ABCA12: variants seen among roughly 807,000 people sequenced by gnomAD.
ABCA12 encodes glucosylceramide transporter ABCA12.
ABCA12 carries 156 observed loss-of-function variants against 293.5 expected under a neutral mutation model. That is an observed-to-expected ratio of 0.53 (90% CI 0.47 to 0.61). The LOEUF (loss-of-function observed/expected upper bound fraction) is 0.61. ABCA12 is among the 20% of genes least tolerant of loss of function. ABCA12 has a pLI of 0.00. For synonymous variants in ABCA12, 1,063 were observed against 1,108.0 expected, an observed-to-expected ratio of 0.96 and a Z score of 0.81; for missense variants, 2,797 against 3,090.2, an observed-to-expected ratio of 0.91 and a Z score of 2.25.
At chr2:215,099,406 C>T (rs763666263) in intron 2 of ABCA12, among the ~76,000 whole-genome samples, 4 of 152,154 alleles carry the variant, frequency 2.6e-5, no homozygotes, top group Non-Finnish European at 4.4e-5. Context: ...CTTTAATTTC[C>T]GACCCCAGCT....
rs368688715 is a variant in ABCA12 at position 214,954,117 on chromosome 2, G to A, written c.6394-10C>T. On this transcript the variant is annotated splice_polypyrimidine_tract_variant and intron_variant, in intron 43 of 52. Coordinates refer to ENST00000272895, the MANE Select transcript of ABCA12 (RefSeq NM_173076.3). ...AAATAAGTTCTAAAGTCTGAAATAA[G>A]AGAAATAAAAATAAAACTCAGTGTT... 1.6e-5 allele frequency: 26 copies of A among 1,612,532 alleles called. No homozygotes were observed. The highest frequency in any genetic ancestry group is 2.1e-5 in the Non-Finnish European group (25 of 1,179,800).
At chr2:215,071,493 T>C (rs987965099) in intron 2 of ABCA12, among the ~76,000 whole-genome samples, 1 of 152,066 alleles carries the variant, frequency 6.6e-6, no homozygotes, top group African/African-American at 2.4e-5. Flanking sequence ...GAAAACAACA[T>C]GTTCAGCTAA....
intron 49 of ABCA12, among the ~76,000 whole-genome samples, chr2:214,944,007 A>G (rs1407513651): frequency 6.6e-6 from 1 of 152,194 alleles, no homozygotes; most frequent in Non-Finnish European, 1.5e-5. Flanking sequence ...GGATAAAATG[A>G]TTTAGTATCT....
intron 2 of ABCA12, among the ~76,000 whole-genome samples, chr2:215,099,762 A>G (rs1362863992): frequency 6.6e-6 from 1 of 152,128 alleles, no homozygotes; most frequent in African/African-American, 2.4e-5. Context: ...TGTTGCCACT[A>G]AGTTTTGAGG....
intron 19 of ABCA12, 84 bp downstream of exon 19, chr2:215,007,643 C>T (rs942279377): frequency 7.2e-6 from 11 of 1,531,460 alleles, no homozygotes; most frequent in Non-Finnish European, 9.0e-7. Flanking sequence ...GAAAGTTACC[C>T]CCTTCCCGTT....
intron 11 of ABCA12, chr2:215,022,485 C>G (rs1044772457): frequency 3.3e-5 from 5 of 152,202 alleles, no homozygotes; most frequent in African/African-American, 1.2e-4. Flanking sequence ...CATTAAAGTT[C>G]TAGAAGCTTC....
Position 214,990,780 on chromosome 2 carries a change from G to A in ABCA12, c.3546C>T (p.Ile1182=). 3 of 1,614,116 alleles carry A rather than the reference G, an allele frequency of 1.9e-6. No homozygotes were observed. The highest frequency in any genetic ancestry group is 1.7e-6 in the Non-Finnish European group (2 of 1,179,988). The change falls in exon 24 of 53, where the codon ATC becomes ATT. Residue 1182 remains isoleucine, a synonymous_variant. Transcript: ENST00000272895. ...TAAATGGAAAGAAGGCAATGATGTA[G>A]ATGAGGCTTCCGATCAGAGCTGCAA... ...TNIAALIGSL[I]YIIAFFPFIV...
chr2:215,051,305 G>C (rs1031410151), intron 5 of ABCA12, among the ~76,000 whole-genome samples: 2 of 152,094 alleles, frequency 1.3e-5, no homozygotes, highest in Non-Finnish European at 2.9e-5. Flanking sequence ...ATGTAAACTA[G>C]ACTTTCAATG....
chr2:214,933,681 C>T (rs1198024440), intron 52 of ABCA12, among the ~76,000 whole-genome samples: 1 of 152,132 alleles, frequency 6.6e-6, no homozygotes, highest in Non-Finnish European at 1.5e-5. Context: ...ATCTAAAGGT[C>T]TGACACCAAA....
intron 11 of ABCA12, among the ~76,000 whole-genome samples, chr2:215,024,551 CACAA>C (rs770328257): frequency 6.6e-6 from 1 of 152,186 alleles, no homozygotes; most frequent in Non-Finnish European, 1.5e-5. Context: ...TTCTCATTTG[CACAA>C]ACAAATTAAG....
intron 1 of ABCA12, among the ~76,000 whole-genome samples, chr2:215,119,912 T>A (rs1364769522): frequency 6.6e-6 from 1 of 152,000 alleles, no homozygotes; most frequent in Non-Finnish European, 1.5e-5. Flanking sequence ...AACCCTGCAA[T>A]CCCTTTACTG....
rs776167113 is a variant in ABCA12 at position 215,011,617 on chromosome 2, T to C, written c.2154A>G (p.Pro718=). The C allele has an allele frequency of 4.3e-6, 7 of 1,614,088 alleles. No individual in the cohort carries two copies. Among genetic ancestry groups the C allele is most frequent in the South Asian group, 3.3e-5 (3 of 91,084 alleles). The part of the protein sequence containing the change: ...AMYRSNRMNT[P]QGSFSTISQA... ...GGGAGATGGTGCTAAATGATCCTTGTGGTGTGTTCATTCGGTTGCTTCTGT... is the reference window on the plus strand; with the variant it reads ...GGGAGATGGTGCTAAATGATCCTTGCGGTGTGTTCATTCGGTTGCTTCTGT... Residue 718 remains proline (P), a synonymous_variant, in exon 17 of 53, where the codon CCA becomes CCG. Coordinates refer to ENST00000272895, the MANE Select transcript of ABCA12 (RefSeq NM_173076.3).
At chr2:214,944,862 T>G (rs1361327610) in intron 49 of ABCA12, 139 bp downstream of exon 49, 2 of 636,288 alleles carry the variant, frequency 3.1e-6, no homozygotes, top group East Asian at 5.7e-5. Flanking sequence ...GTGTATATAT[T>G]TTGTATGTGT....
chr2:215,015,659 A>G lies in ABCA12; in HGVS notation c.1787T>C (p.Ile596Thr). The G allele has an allele frequency of 6.2e-7, 1 of 1,613,900 alleles. No homozygotes were observed. Among genetic ancestry groups the G allele is most frequent in the Non-Finnish European group, 8.5e-7 (1 of 1,179,790 alleles). Residue 596 changes from isoleucine (I) to threonine (T), a missense_variant, in exon 15 of 53, where the codon ATT (isoleucine) becomes ACT (threonine). Ile to Thr is a moderately conservative substitution (Grantham distance 89). Around this residue, in one of 3 missense-constraint regions of ABCA12, gnomAD observed 2,130 missense variants for 2,427.0 expected, o/e 0.88. Transcript: ENST00000272895. ...IPIPDNRAEI[I>T]SQVFWLHSCD... ...GGAATGCAGCCAGAACACCTGAGAAATAATCTGCAAATGGAGGAAGAAAAA... is the reference window on the plus strand; with the variant it reads ...GGAATGCAGCCAGAACACCTGAGAAGTAATCTGCAAATGGAGGAAGAAAAA...
At chr2:214,974,145 A>G (rs1197808537) in intron 35 of ABCA12, 103 bp from the exon 36 acceptor site, 12 of 1,019,968 alleles carry the variant, frequency 1.2e-5, no homozygotes, top group Admixed American at 1.9e-5. Flanking sequence ...TCATGTGTGT[A>G]GTCACAGAAC....
intron 51 of ABCA12, among the ~76,000 whole-genome samples, chr2:214,935,206 G>GT (rs776122919): frequency 6.6e-6 from 1 of 152,068 alleles, no homozygotes; most frequent in African/African-American, 2.4e-5. Context: ...TCAGATTGTT[G>GT]TTTTGGCTAT....
chr2:214,978,198 T>G (rs1699564434), intron 33 of ABCA12, 118 bp downstream of exon 33: 1 of 1,227,012 alleles, frequency 8.1e-7, no homozygotes, highest in Admixed American at 2.1e-5. Context: ...TCCTTAGTGT[T>G]TTTTGAATTT....
intron 48 of ABCA12, among the ~76,000 whole-genome samples, chr2:214,945,338 C>T (rs1698550034): frequency 6.6e-6 from 1 of 152,094 alleles, no homozygotes; most frequent in Admixed American, 6.6e-5. Context: ...CACCCTGTTA[C>T]TTTACATCCG....
At chr2:214,992,523 T>G (rs1474328) in intron 23 of ABCA12, among the ~76,000 whole-genome samples, 1 of 22,504 alleles carries the variant, frequency 4.4e-5, no homozygotes, top group African/African-American at 3.2e-4. Context: ...ATCCCCCCCC[T>G]TTTTTTTTTT....
Sources: gnomAD v4.1 joint callset for allele counts (sites outside exome capture counted in the v4.1 genomes callset) on GRCh38, gnomAD v4.1.1 for gene constraint, gnomAD v4.1.1 regional missense constraint, MANE v1.5 for transcripts, NCBI Gene and HGNC (gene_info 2026-07-23, HGNC 2026-07-21) for gene names.